Variants in ABCA13 observed in about 807,000 individuals in gnomAD.
The protein encoded by ABCA13 is ATP binding cassette subfamily A member 13, also known as ATP-binding cassette sub-family A member 13.
A neutral mutation model predicts 478.7 loss-of-function variants in ABCA13; 476 were observed. The ratio of observed to expected loss-of-function variants is 0.99; its 90% CI spans 0.92 to 1.07. ABCA13 has a LOEUF of 1.07. Among genes scored for constraint, ABCA13 ranks in the 50% least tolerant of loss-of-function variants. ABCA13 has a pLI of 0.00. For synonymous variants in ABCA13, 2,252 were observed against 2,158.9 expected, an observed-to-expected ratio of 1.04 and a Z score of -1.20; for missense variants, 6,060 against 5,910.6, an observed-to-expected ratio of 1.03 and a Z score of -0.83.
chr7:48,188,749 T>C (rs144256568), intron 1 of ABCA13, among the ~76,000 whole-genome samples: 1 of 152,206 alleles, frequency 6.6e-6, no homozygotes, highest in Non-Finnish European at 1.5e-5. Context: ...TGTTCATCTG[T>C]ATGTATTGCT....
rs1562875354 is a variant in ABCA13, at chr7:48,248,259, CATT to C, written c.1682_1684del (p.Ile561del). On this transcript the variant is annotated inframe_deletion, in exon 14 of 62. Coordinates refer to ENST00000435803, the MANE Select transcript of ABCA13 (RefSeq NM_152701.5). ...TTAAGGATCGTATTTTGCAAGAGGT[CATT>C]ACTTGGCACAAAAATATGTCAGTTT... The C allele has an allele frequency of 6.2e-7, 1 of 1,613,492 alleles. No individual in the cohort carries two copies. The highest frequency in any genetic ancestry group is 1.7e-5 in the Admixed American group (1 of 59,960).
At chr7:48,206,669 A>G (rs1341751055) in intron 3 of ABCA13, among the ~76,000 whole-genome samples, 1 of 152,148 alleles carries the variant, frequency 6.6e-6, no homozygotes, top group Non-Finnish European at 1.5e-5. Context: ...TTGTGGATAC[A>G]TACTAGTTTT....
chr7:48,287,175 T>G (rs1797883320), intron 19 of ABCA13, among the ~76,000 whole-genome samples: 1 of 152,128 alleles, frequency 6.6e-6, no homozygotes, highest in South Asian at 2.1e-4. Flanking sequence ...GCCTTGTATC[T>G]GATGGCCTTG....
At chr7:48,562,658 GA>G (rs1786586539) in intron 55 of ABCA13, among the ~76,000 whole-genome samples, 1 of 152,104 alleles carries the variant, frequency 6.6e-6, no homozygotes, top group Non-Finnish European at 1.5e-5. Context: ...AAGCAACAGA[GA>G]ACATGAAAAA....
Position 48,276,074 on chromosome 7 carries a change from G to T in ABCA13, c.6408G>T (p.Glu2136Asp). 6.2e-7 allele frequency: 1 copy of T among 1,605,000 alleles called. No individual in the cohort carries two copies. Reference sequence around the variant, plus strand: ...ACTGGCTTCAGGAATATGCAAATGAGGATTACTCCAGAATGATAGAAACAT... The same window carrying T: ...ACTGGCTTCAGGAATATGCAAATGATGATTACTCCAGAATGATAGAAACAT... ...TKNWLQEYAN[E>D]DYSRMIETLF... Residue 2136 changes from glutamate (E) to aspartate (D), a missense_variant, in exon 17 of 62, where the codon GAG (glutamate) becomes GAT (aspartate). Transcript: ENST00000435803.
intron 36 of ABCA13, 64 bp from the exon 37 acceptor site, chr7:48,388,976 A>G: frequency 6.5e-7 from 1 of 1,528,888 alleles, no homozygotes; most frequent in East Asian, 2.3e-5. Flanking sequence ...TGAATTAATA[A>G]ATATGAGCAT....
At chr7:48,376,945 A>C (rs1016305766) in intron 35 of ABCA13, among the ~76,000 whole-genome samples, 7 of 152,070 alleles carry the variant, frequency 4.6e-5, no homozygotes, top group Non-Finnish European at 1.0e-4. Flanking sequence ...TTGGCCAGAA[A>C]GTCACTCCTA....
chr7:48,445,922 G>A (rs1027055761), intron 42 of ABCA13, among the ~76,000 whole-genome samples: 4 of 152,032 alleles, frequency 2.6e-5, no homozygotes, highest in Admixed American at 6.6e-5. Context: ...GGCCTTACCT[G>A]GGTTCTACTC....
chr7:48,274,661 T>C lies in ABCA13; in HGVS notation c.4995T>C (p.Ser1665=). 3.7e-6 allele frequency: 6 copies of C among 1,614,010 alleles called. No individual in the cohort carries two copies. The highest frequency in any genetic ancestry group is 5.1e-6 in the Non-Finnish European group (6 of 1,179,856). The change falls in exon 17 of 62, where the codon TCT becomes TCC. Residue 1665 remains serine, a synonymous_variant. Transcript: ENST00000435803. ...TGCAAGCTTTGAAGAAGGTAACTTC[T>C]GTCATGCGTACCCTTAAGAAGGCAG... ...GYMQALKKVT[S]VMRTLKKADI...
intron 20 of ABCA13, among the ~76,000 whole-genome samples, chr7:48,288,454 T>C (rs998708313): frequency 6.6e-6 from 1 of 152,222 alleles, no homozygotes; most frequent in African/African-American, 2.4e-5. Context: ...TTTTAGTATG[T>C]TTTACTGTTA....
intron 45 of ABCA13, among the ~76,000 whole-genome samples, chr7:48,473,145 G>C (rs948995614): frequency 1.3e-5 from 2 of 152,198 alleles, no homozygotes; most frequent in Non-Finnish European, 1.5e-5. Context: ...CCCGTGTTCA[G>C]TTATCTCCCA....
At chr7:48,623,569 A>C (rs1443848949) in intron 59 of ABCA13, among the ~76,000 whole-genome samples, 2 of 152,198 alleles carry the variant, frequency 1.3e-5, no homozygotes, top group Non-Finnish European at 2.9e-5. Flanking sequence ...GGTTATTGGC[A>C]TTCCTTAAGA....
At chr7:48,220,235 C>T (rs975750528) in intron 4 of ABCA13, among the ~76,000 whole-genome samples, 1 of 152,112 alleles carries the variant, frequency 6.6e-6, no homozygotes, top group African/African-American at 2.4e-5. Flanking sequence ...TGCCTCTCTT[C>T]ACATCCCTGA....
At chr7:48,220,370 A>G (rs1188986006) in intron 4 of ABCA13, among the ~76,000 whole-genome samples, 1 of 152,214 alleles carries the variant, frequency 6.6e-6, no homozygotes, top group Non-Finnish European at 1.5e-5. Context: ...GAAATAATTT[A>G]TTTCTAATCT....
At chr7:48,498,492 T>C (rs1359383337) in intron 48 of ABCA13, among the ~76,000 whole-genome samples, 3 of 152,174 alleles carry the variant, frequency 2.0e-5, no homozygotes, top group Admixed American at 6.5e-5. Context: ...CTATTTCTGT[T>C]TGTTGTGTTA....
chr7:48,285,859 C>T (rs1388767737), intron 19 of ABCA13, among the ~76,000 whole-genome samples: 1 of 152,120 alleles, frequency 6.6e-6, no homozygotes, highest in Non-Finnish European at 1.5e-5. Flanking sequence ...ACTTAAGTGA[C>T]ACATTTTATA....
intron 52 of ABCA13, among the ~76,000 whole-genome samples, chr7:48,517,439 G>A (rs764144561): frequency 2.6e-5 from 4 of 152,142 alleles, no homozygotes; most frequent in Non-Finnish European, 4.4e-5. Flanking sequence ...CCTGAGGCCC[G>A]TGGTCAGGAA....
chr7:48,282,999 G>A (rs1037646010), intron 19 of ABCA13, among the ~76,000 whole-genome samples: 3 of 152,224 alleles, frequency 2.0e-5, no homozygotes, highest in South Asian at 2.1e-4. Context: ...ATTACCAAAT[G>A]TGAAATCTGT....
At chr7:48,381,078 G>A (rs561451992) in intron 35 of ABCA13, among the ~76,000 whole-genome samples, 2 of 152,174 alleles carry the variant, frequency 1.3e-5, no homozygotes, top group African/African-American at 2.4e-5. Flanking sequence ...CATTCCCACA[G>A]CACCCCTCCC....
Sources: gnomAD v4.1 joint callset for allele counts (sites outside exome capture counted in the v4.1 genomes callset) on GRCh38, gnomAD v4.1.1 for gene constraint, MANE v1.5 for transcripts, NCBI Gene and HGNC (gene_info 2026-07-23, HGNC 2026-07-21) for gene names.